Variants in CACNA2D3 observed in about 807,000 individuals in gnomAD.
The protein encoded by CACNA2D3 is calcium voltage-gated channel auxiliary subunit alpha2delta 3.
In CACNA2D3, 60 loss-of-function variants were observed where a neutral mutation model predicts 160.6. The observed-to-expected ratio is 0.37, with a 90% CI of 0.30 to 0.46. The LOEUF is 0.46. Ranked by LOEUF, CACNA2D3 falls within the 20% of genes least tolerant of loss-of-function variation. The probability of loss-of-function intolerance (pLI) is 1.00; values close to 1 mark genes in which losing one functional copy is unlikely to be tolerated. For synonymous variants in CACNA2D3, 558 were observed against 492.9 expected (o/e 1.13, Z -1.75); for missense variants, 1,205 against 1,365.0 (o/e 0.88, Z 1.85).
At chr3:54,846,565 TA>T in intron 17 of CACNA2D3, 98 bp downstream of exon 17, 2 of 742,460 alleles carry the variant, frequency 2.7e-6, no homozygotes, top group East Asian at 2.7e-5. Flanking sequence ...TTTTCACTTT[TA>T]AAAAACTATT....
At position 54,532,452 on chromosome 3, in the gene CACNA2D3, TC is replaced by T. The variant is rs369213142; in HGVS notation, c.544+28801del. On this transcript the variant is annotated intron_variant, in intron 5 of 37. Transcript: ENST00000474759. ...ATTATACCCAATAAGGAATTTCTCA[TC>T]CCTCACCCCGCTCCAATGTTTACCA... Among the ~76,000 whole-genome samples the T allele has an allele frequency of 5.9e-5, 9 of 152,334 alleles. No homozygotes were observed. In the East Asian group the frequency reaches 1.7e-3, roughly 29 times the overall value.
In CACNA2D3 at chr3:54,313,121, C is replaced by T. The variant is rs553005033; in HGVS notation, c.205-7321C>T. On this transcript the variant is annotated intron_variant, in intron 2 of 37. Transcript: ENST00000474759. ...TGCTGAGGGCTTTGACAGATGTCCT[C>T]CCAGTAAGACTGCAGGGCAGCCCTG... Among the ~76,000 whole-genome samples, 45 of 152,140 alleles carry T rather than the reference C, an allele frequency of 3.0e-4. No individual in the cohort carries two copies. The South Asian group carries it at 9.3e-3, about 32-fold the overall frequency.
At chr3:54,888,273 A>G (rs909124327) in intron 24 of CACNA2D3, among the ~76,000 whole-genome samples, 1 of 152,168 alleles carries the variant, frequency 6.6e-6, no homozygotes, top group African/African-American at 2.4e-5. Flanking sequence ...TTAACGTTAC[A>G]TGAAATTTGG....
chr3:54,840,037 C>A (rs1170362351), intron 16 of CACNA2D3, among the ~76,000 whole-genome samples: 1 of 152,110 alleles, frequency 6.6e-6, no homozygotes, highest in Non-Finnish European at 1.5e-5. Context: ...AATTGCCAGA[C>A]CTAGGTGTCC....
At chr3:54,408,009 A>G (rs1699605673) in intron 4 of CACNA2D3, among the ~76,000 whole-genome samples, 2 of 152,320 alleles carry the variant, frequency 1.3e-5, no homozygotes, top group South Asian at 4.1e-4. Context: ...CAGGCACTGT[A>G]CTGTGAATAT....
At chr3:54,927,910 ATGAC>A in intron 27 of CACNA2D3, 1 of 1,613,722 alleles carries the variant, frequency 6.2e-7, no homozygotes, top group East Asian at 2.2e-5. Context: ...CTCACCTTTC[ATGAC>A]TGAGTCTCCT....
rs188534368 is a variant in CACNA2D3, at chr3:54,985,664, A to G, written c.2619+994A>G. On this transcript the variant is annotated intron_variant, in intron 30 of 37. Transcript: ENST00000474759. ...TACATTATAATGAAGTCTCTTTTAA[A>G]TCATTTAAAATTCTTTAGTAGTCAG... Among the ~76,000 whole-genome samples, 655 of 152,314 alleles carry G rather than the reference A, an allele frequency of 4.3e-3. 19 individuals carry two copies. Among genetic ancestry groups the G allele is most frequent in the Admixed American group, 0.038 (588 of 15,296 alleles).
chr3:54,638,133 A>G (rs1298309833), intron 10 of CACNA2D3: 3 of 151,974 alleles, frequency 2.0e-5, no homozygotes, highest in Non-Finnish European at 4.4e-5. Context: ...TGAGGGCCAG[A>G]TTCCAGTTTT....
intron 17 of CACNA2D3, among the ~76,000 whole-genome samples, chr3:54,862,420 C>T (rs1699312779): frequency 1.3e-5 from 2 of 152,022 alleles, no homozygotes; most frequent in African/African-American, 2.4e-5. Context: ...CACACGCACA[C>T]GTGATGAAGG....
chr3:54,350,999 T>G (rs1698553625), intron 3 of CACNA2D3, among the ~76,000 whole-genome samples: 1 of 123,732 alleles, frequency 8.1e-6, no homozygotes, highest in South Asian at 2.7e-4. Flanking sequence ...TTTTTTTTTT[T>G]TTTTTTTGAG....
At chr3:54,329,088 G>A (rs59232971) in intron 3 of CACNA2D3, among the ~76,000 whole-genome samples, 3,776 of 152,254 alleles carry the variant, frequency 0.025, 166 homozygotes, top group African/African-American at 0.086. Context: ...GACCACCAGG[G>A]TCACTTTGAT....
intron 11 of CACNA2D3, among the ~76,000 whole-genome samples, chr3:54,743,761 C>T (rs1446731019): frequency 1.3e-5 from 2 of 152,156 alleles, no homozygotes; most frequent in Non-Finnish European, 2.9e-5. Flanking sequence ...CACTTGATCT[C>T]TCAGTGTTTT....
intron 4 of CACNA2D3, among the ~76,000 whole-genome samples, chr3:54,500,111 T>C (rs933144746): frequency 9.2e-5 from 14 of 152,214 alleles, no homozygotes; most frequent in African/African-American, 3.4e-4. Flanking sequence ...CTTTGTCTTC[T>C]TAGAGAATTA....
intron 11 of CACNA2D3, among the ~76,000 whole-genome samples, chr3:54,662,624 CA>C (rs935247282): frequency 3.9e-5 from 6 of 152,192 alleles, no homozygotes; most frequent in African/African-American, 1.4e-4. Context: ...AGCCTCAGGC[CA>C]GCAAGTGCGT....
At chr3:54,874,885 G>A (rs1461263050) in intron 18 of CACNA2D3, 1 of 152,208 alleles carries the variant, frequency 6.6e-6, no homozygotes, top group African/African-American at 2.4e-5. Flanking sequence ...GAAAAGATAG[G>A]GAGTGCCTTG....
intron 4 of CACNA2D3, among the ~76,000 whole-genome samples, chr3:54,411,123 A>G (rs1358325525): frequency 6.6e-6 from 1 of 152,228 alleles, no homozygotes; most frequent in Admixed American, 6.5e-5. Flanking sequence ...AGTTTAATGA[A>G]TGAGAAGCTG....
intron 35 of CACNA2D3, among the ~76,000 whole-genome samples, chr3:55,021,647 G>GTGTA (rs1559465919): frequency 2.8e-5 from 4 of 140,962 alleles, no homozygotes; most frequent in African/African-American, 8.1e-5. Flanking sequence ...ATATATATGT[G>GTGTA]TATATATATA....
intron 11 of CACNA2D3, among the ~76,000 whole-genome samples, chr3:54,704,083 A>G (rs1211245806): frequency 1.3e-5 from 2 of 152,210 alleles, no homozygotes; most frequent in African/African-American, 4.8e-5. Flanking sequence ...CCCACAGTCT[A>G]TGCTGAAGGG....
intron 2 of CACNA2D3, among the ~76,000 whole-genome samples, chr3:54,175,955 T>A (rs928674056): frequency 6.6e-6 from 1 of 152,224 alleles, no homozygotes; most frequent in African/African-American, 2.4e-5. Context: ...TGGCAGACTT[T>A]AGTCTTCCTT....
Sources: gnomAD v4.1 joint callset for allele counts (sites outside exome capture counted in the v4.1 genomes callset) on GRCh38, gnomAD v4.1.1 for gene constraint, MANE v1.5 for transcripts, NCBI Gene and HGNC (gene_info 2026-07-23, HGNC 2026-07-21) for gene names.